GTF2A1L: variants seen among roughly 807,000 people sequenced by gnomAD.
GTF2A1L encodes general transcription factor IIA subunit 1 like, also known as TFIIA-alpha and beta-like factor.
Under a neutral mutation model 49.7 loss-of-function variants are expected in GTF2A1L, and 48 were observed. The observed-to-expected ratio is 0.97, with a 90% CI of 0.77 to 1.23. The LOEUF (loss-of-function observed/expected upper bound fraction) is 1.23, where lower values mean the gene tolerates loss of function less well. GTF2A1L is among the 50% of genes most tolerant of loss of function. The pLI is 0.00. For synonymous variants in GTF2A1L, 246 were observed against 193.5 expected (o/e 1.27, Z -2.25); for missense variants, 736 against 564.8 (o/e 1.30, Z -3.07).
chr2:48,645,005 C>T (rs749622240), intron 4 of GTF2A1L, 28 bp from the exon 5 acceptor site: 1 of 1,575,726 alleles, frequency 6.3e-7, no homozygotes, highest in Non-Finnish European at 8.6e-7. Context: ...CCTTTTCTAA[C>T]TTTCTAATAT....
At chr2:48,679,299 A>C (rs1187165774) in intron 8 of GTF2A1L, 36 bp from the exon 9 acceptor site, 3 of 1,597,092 alleles carry the variant, frequency 1.9e-6, no homozygotes, top group Admixed American at 1.8e-5. Context: ...TTTAACTTGT[A>C]AAATTAATTA....
At chr2:48,644,560 C>T (rs1162390218) in intron 4 of GTF2A1L, among the ~76,000 whole-genome samples, 3 of 152,174 alleles carry the variant, frequency 2.0e-5, no homozygotes, top group Non-Finnish European at 2.9e-5. Flanking sequence ...AAGTAGAGTT[C>T]ATGGGTCAAA....
At chr2:48,665,406 G>A (rs929070539) in intron 6 of GTF2A1L, among the ~76,000 whole-genome samples, 1 of 150,900 alleles carries the variant, frequency 6.6e-6, no homozygotes, top group Non-Finnish European at 1.5e-5. Flanking sequence ...CTTAAGGTGG[G>A]ATATTATGCT....
At chr2:48,657,445 G>T (rs1678244758) in intron 6 of GTF2A1L, among the ~76,000 whole-genome samples, 1 of 151,930 alleles carries the variant, frequency 6.6e-6, no homozygotes. Context: ...TCTTTTTTTT[G>T]GGGCTGCATA....
chr2:48,659,509 A>T (rs991486121), intron 6 of GTF2A1L, among the ~76,000 whole-genome samples: 5 of 151,824 alleles, frequency 3.3e-5, no homozygotes, highest in Admixed American at 2.0e-4. Flanking sequence ...TTCTGCAAAC[A>T]CTCTTGTTGG....
chr2:48,650,016 T>G (rs966788252), intron 6 of GTF2A1L, among the ~76,000 whole-genome samples: 2 of 152,200 alleles, frequency 1.3e-5, no homozygotes, highest in African/African-American at 4.8e-5. Context: ...TATTCATTAC[T>G]TCCTCCAGAA....
In GTF2A1L at chr2:48,644,956, C is replaced by A. The variant is rs1453147426; in HGVS notation, c.304-77C>A. 3.9e-6 allele frequency: 5 copies of A among 1,297,240 alleles called. No individual in the cohort carries two copies. In the East Asian group the frequency reaches 1.0e-4, roughly 26 times the overall value. 80.4% of individuals were successfully genotyped at this position (1,297,240 alleles called of 1,614,324 possible). The stretch of plus-strand genomic sequence containing the variant: ...TATTGTCCAGAATCAGATTTTTTGA[C>A]TCCCTGTGAGATCAGGGAAAAAAAG... On this transcript the variant is annotated intron_variant, in intron 4 of 8. Coordinates refer to ENST00000403751, the MANE Select transcript of GTF2A1L (RefSeq NM_006872.5).
chr2:48,667,532 T>C (rs1474728664), intron 6 of GTF2A1L, among the ~76,000 whole-genome samples: 2 of 152,206 alleles, frequency 1.3e-5, no homozygotes, highest in Non-Finnish European at 2.9e-5. Context: ...CTCTAATTTA[T>C]TCGTAACAGA....
At chr2:48,678,207 G>T (rs1558783165) in intron 8 of GTF2A1L, among the ~76,000 whole-genome samples, 2 of 151,664 alleles carry the variant, frequency 1.3e-5, no homozygotes, top group African/African-American at 2.4e-5. Context: ...CTAGATAAAG[G>T]TACCACAATT....
chr2:48,674,785 C>G (rs1225454435), intron 8 of GTF2A1L, among the ~76,000 whole-genome samples: 1 of 151,952 alleles, frequency 6.6e-6, no homozygotes, highest in East Asian at 1.9e-4. Flanking sequence ...GGTGTTTTAT[C>G]ATATATTATC....
At chr2:48,628,131 G>A (rs1236958547) in intron 3 of GTF2A1L, among the ~76,000 whole-genome samples, 1 of 143,824 alleles carries the variant, frequency 7.0e-6, no homozygotes, top group Non-Finnish European at 1.6e-5. Flanking sequence ...CACTATGGAT[G>A]GGCACCTGGA....
chr2:48,639,690 A>C (rs1298115787), intron 3 of GTF2A1L, among the ~76,000 whole-genome samples: 2 of 152,228 alleles, frequency 1.3e-5, no homozygotes, highest in African/African-American at 4.8e-5. Context: ...AAAAGCAAAA[A>C]TTTACAAGTG....
intron 8 of GTF2A1L, among the ~76,000 whole-genome samples, chr2:48,675,038 G>A (rs956520486): frequency 2.6e-5 from 4 of 152,220 alleles, no homozygotes; most frequent in East Asian, 3.9e-4. Flanking sequence ...CTGTTATAGT[G>A]AATCTTTATG....
rs113492704 is a variant in GTF2A1L at position 48,666,584 on chromosome 2, GGT to G, written c.979-3111_979-3110del. On this transcript the variant is annotated intron_variant, in intron 6 of 8. Transcript: ENST00000403751. ...ATATAGTTATTAATCAACTTGTCAG[GGT>G]GTGTGTGTGTGTGTGTGTGTGTGTG... Among the ~76,000 whole-genome samples, 1,450 of 147,014 alleles carry G rather than the reference GGT, an allele frequency of 9.9e-3. 9 individuals are homozygous for G. The highest frequency in any genetic ancestry group is 0.03 in the African/African-American group (1,197 of 40,176).
chr2:48,653,698 T>A (rs1422219261), intron 6 of GTF2A1L, among the ~76,000 whole-genome samples: 1 of 152,130 alleles, frequency 6.6e-6, no homozygotes, highest in Non-Finnish European at 1.5e-5. Flanking sequence ...TTTGGGAGAC[T>A]GAGGCGGTTG....
intron 7 of GTF2A1L, 137 bp downstream of exon 7, chr2:48,670,119 A>G (rs1473308946): frequency 3.1e-6 from 4 of 1,289,152 alleles, no homozygotes; most frequent in South Asian, 3.6e-5. Context: ...GGGGCCGGGC[A>G]CGGTGGCTCA....
At chr2:48,652,982 C>A (rs1316193271) in intron 6 of GTF2A1L, among the ~76,000 whole-genome samples, 1 of 151,944 alleles carries the variant, frequency 6.6e-6, no homozygotes, top group Non-Finnish European at 1.5e-5. Flanking sequence ...GTAATCCCAG[C>A]ACTTTGGGAG....
chr2:48,634,081 G>C (rs1412195436), intron 3 of GTF2A1L, among the ~76,000 whole-genome samples: 1 of 152,022 alleles, frequency 6.6e-6, no homozygotes, highest in Admixed American at 6.6e-5. Flanking sequence ...GGAGTGTTTA[G>C]ACCATTTACA....
chr2:48,641,118 C>T (rs1558724732), intron 3 of GTF2A1L, among the ~76,000 whole-genome samples: 1 of 152,090 alleles, frequency 6.6e-6, no homozygotes, highest in Non-Finnish European at 1.5e-5. Context: ...CATTTAATTG[C>T]TTTAGACAAT....
Sources: gnomAD v4.1 joint callset for allele counts (sites outside exome capture counted in the v4.1 genomes callset) on GRCh38, gnomAD v4.1.1 for gene constraint, MANE v1.5 for transcripts, NCBI Gene and HGNC (gene_info 2026-07-23, HGNC 2026-07-21) for gene names.